MDGA2: variants seen among roughly 807,000 people sequenced by gnomAD.
MDGA2 encodes MAM domain-containing glycosylphosphatidylinositol anchor protein 2.
In MDGA2, 40 loss-of-function variants were observed where a neutral mutation model predicts 117.8. The observed-to-expected ratio is 0.34, with a 90% CI of 0.26 to 0.44. MDGA2 has a LOEUF of 0.44. Ranked by LOEUF, MDGA2 falls within the 20% of genes least tolerant of loss-of-function variation. MDGA2 has a pLI of 1.00. For missense variants in MDGA2, 1,123 were observed against 1,250.6 expected (o/e 0.90, Z 1.54); for synonymous variants, 452 against 439.0 (o/e 1.03, Z -0.37).
intron 1 of MDGA2, among the ~76,000 whole-genome samples, chr14:47,635,270 A>C (rs72673210): frequency 0.16 from 24,147 of 152,076 alleles, 1,996 homozygotes; most frequent in East Asian, 0.25. Flanking sequence ...GACCTTAAGC[A>C]GGTCACTTAT....
chr14:47,479,928 A>G (rs1256779654), intron 1 of MDGA2, among the ~76,000 whole-genome samples: 1 of 151,956 alleles, frequency 6.6e-6, no homozygotes, highest in African/African-American at 2.4e-5. Flanking sequence ...TTCCATTTCT[A>G]CTTTCCTTGC....
chr14:46,872,858 G>C (rs999907505), intron 14 of MDGA2, among the ~76,000 whole-genome samples: 8 of 151,888 alleles, frequency 5.3e-5, no homozygotes, highest in Non-Finnish European at 1.2e-4. Context: ...ATCTAGCACA[G>C]TTGTGCATCT....
intron 10 of MDGA2, among the ~76,000 whole-genome samples, chr14:46,895,897 C>T (rs368406706): frequency 4.3e-4 from 66 of 152,268 alleles, no homozygotes; most frequent in African/African-American, 1.5e-3. Flanking sequence ...CACAGTCTTT[C>T]AACTGAAGTT....
At chr14:47,477,725 T>A (rs573387535) in intron 1 of MDGA2, among the ~76,000 whole-genome samples, 1 of 152,338 alleles carries the variant, frequency 6.6e-6, no homozygotes, top group Non-Finnish European at 1.5e-5. Flanking sequence ...AGAATGATAT[T>A]CATTCATTCA....
At chr14:47,520,620 A>G (rs141732406) in intron 1 of MDGA2, among the ~76,000 whole-genome samples, 244 of 152,348 alleles carry the variant, frequency 1.6e-3, no homozygotes, top group African/African-American at 5.3e-3. Flanking sequence ...AACACAGAAC[A>G]GGAGAAAGCT....
intron 5 of MDGA2, among the ~76,000 whole-genome samples, chr14:47,101,878 T>G (rs1382206846): frequency 6.6e-6 from 1 of 152,158 alleles, no homozygotes; most frequent in African/African-American, 2.4e-5. Context: ...AACCCAAGTA[T>G]GTATACTGGG....
chr14:47,548,101 T>A lies in MDGA2; in HGVS notation c.280+126416A>T, dbSNP rs1159602718. Among the ~76,000 whole-genome samples, 3 of 152,338 alleles carry A rather than the reference T, an allele frequency of 2.0e-5. No homozygotes were observed. The East Asian group carries it at 5.8e-4, about 29-fold the overall frequency. ...GTTACAAACTAAAATATATTTGTAC[T>A]CTCTTTTACATGCATGTGTAGAGTA... On this transcript the variant is annotated intron_variant, in intron 1 of 16. Coordinates refer to ENST00000399232, the MANE Select transcript of MDGA2 (RefSeq NM_001113498.3).
Position 47,274,280 on chromosome 14 carries a change from T to C in MDGA2, c.420+27131A>G, listed in dbSNP as rs535384165. Among the ~76,000 whole-genome samples, 4 of 152,256 alleles carry C rather than the reference T, an allele frequency of 2.6e-5. No homozygotes were observed. In the South Asian group the frequency reaches 6.2e-4, roughly 24 times the overall value. ...CCCTAAACGACCACTATTTACTTTA[T>C]GTCTGTATGGATTCACCTATTCTGG... On this transcript the variant is annotated intron_variant, in intron 2 of 16. Coordinates refer to ENST00000399232, the MANE Select transcript of MDGA2 (RefSeq NM_001113498.3).
chr14:47,592,324 A>G (rs565167308), intron 1 of MDGA2, among the ~76,000 whole-genome samples: 1 of 152,300 alleles, frequency 6.6e-6, no homozygotes, highest in East Asian at 1.9e-4. Context: ...TCCCAAAGCA[A>G]TTTATACATT....
At chr14:47,244,635 T>C (rs1887178685) in intron 2 of MDGA2, among the ~76,000 whole-genome samples, 1 of 151,854 alleles carries the variant, frequency 6.6e-6, no homozygotes, top group South Asian at 2.1e-4. Flanking sequence ...TTTCATAAAA[T>C]AGAGTCAGCC....
At chr14:46,923,541 T>C (rs1225716093) in intron 9 of MDGA2, among the ~76,000 whole-genome samples, 1 of 152,092 alleles carries the variant, frequency 6.6e-6, no homozygotes, top group African/African-American at 2.4e-5. Flanking sequence ...AAAACGTTTT[T>C]AGATGGTGCA....
chr14:46,901,582 G>A (rs1167826867), intron 10 of MDGA2, among the ~76,000 whole-genome samples: 2 of 152,120 alleles, frequency 1.3e-5, no homozygotes, highest in Non-Finnish European at 2.9e-5. Context: ...ACCACTATGT[G>A]CCAAACAGTA....
intron 1 of MDGA2, among the ~76,000 whole-genome samples, chr14:47,364,395 G>A (rs1234868187): frequency 6.6e-6 from 1 of 152,122 alleles, no homozygotes; most frequent in Non-Finnish European, 1.5e-5. Flanking sequence ...CTCCCAAGTA[G>A]CTGGGACTAC....
chr14:47,233,341 A>C (rs1886752288), intron 2 of MDGA2, among the ~76,000 whole-genome samples: 1 of 152,164 alleles, frequency 6.6e-6, no homozygotes, highest in African/African-American at 2.4e-5. Context: ...TTCTTATTAC[A>C]AAACCGATAT....
intron 3 of MDGA2, among the ~76,000 whole-genome samples, chr14:47,180,724 C>G (rs1884666695): frequency 6.6e-6 from 1 of 152,080 alleles, no homozygotes; most frequent in Admixed American, 6.5e-5. Flanking sequence ...AATTCGAGAC[C>G]ACCCTGGGCA....
At chr14:47,156,068 C>T (rs1430091691) in intron 3 of MDGA2, among the ~76,000 whole-genome samples, 6 of 151,508 alleles carry the variant, frequency 4.0e-5, no homozygotes, top group Admixed American at 2.6e-4. Context: ...GCCACTACCC[C>T]GGCTAATTTT....
intron 2 of MDGA2, among the ~76,000 whole-genome samples, chr14:47,243,079 A>G (rs1350021068): frequency 1.3e-5 from 2 of 151,362 alleles, no homozygotes; most frequent in Non-Finnish European, 3.0e-5. Context: ...GATTATAAAT[A>G]CACCAATCAG....
In MDGA2 at chr14:47,528,746, C is replaced by G. The variant is rs1895026817; in HGVS notation, c.280+145771G>C. On this transcript the variant is annotated intron_variant, in intron 1 of 16. Coordinates refer to ENST00000399232, the MANE Select transcript of MDGA2 (RefSeq NM_001113498.3). ...TTTTTTTAGACCAAATTGATCAAAT[C>G]AAATAATTCTCTTCTAACTTTACAT... Among the ~76,000 whole-genome samples, 5 of 151,994 alleles carry G rather than the reference C, an allele frequency of 3.3e-5. 1 individual carries two copies. In the South Asian group the frequency reaches 1.0e-3, roughly 32 times the overall value.
chr14:47,226,787 G>C (rs1045073883), intron 2 of MDGA2, among the ~76,000 whole-genome samples: 4 of 152,012 alleles, frequency 2.6e-5, no homozygotes, highest in African/African-American at 9.7e-5. Context: ...AAATGTTATT[G>C]TTCCATCCTC....
Sources: allele counts gnomAD v4.1 joint callset (sites outside exome capture counted in the v4.1 genomes callset), GRCh38; gene constraint gnomAD v4.1.1; transcripts MANE v1.5; gene names NCBI Gene and HGNC (gene_info 2026-07-23, HGNC 2026-07-21).